The following CSNK1G1 variants were observed in gnomAD, a reference collection of about 807,000 sequenced individuals.
CSNK1G1 encodes the protein casein kinase 1 gamma 1, also known as casein kinase I isoform gamma-1.
In CSNK1G1, 22 loss-of-function variants were observed where a neutral mutation model predicts 59.6. The ratio of observed to expected loss-of-function variants is 0.37; its 90% confidence interval spans 0.26 to 0.53. The LOEUF is 0.53. Among genes scored for constraint, CSNK1G1 ranks in the 20% least tolerant of loss-of-function variants. CSNK1G1 has a pLI of 0.89. For missense variants in CSNK1G1, 384 were observed against 519.5 expected (o/e 0.74, Z 2.54); for synonymous variants, 179 against 177.1 (o/e 1.01, Z -0.08).
chr15:64,342,254 A>C (rs1897717412), intron 1 of CSNK1G1, among the ~76,000 whole-genome samples: 1 of 152,352 alleles, frequency 6.6e-6, no homozygotes, highest in East Asian at 1.9e-4. Flanking sequence ...CTTCAGAAGT[A>C]ACCTTCCTTT....
chr15:64,342,182 G>A (rs953752117), intron 1 of CSNK1G1, among the ~76,000 whole-genome samples: 1 of 152,150 alleles, frequency 6.6e-6, no homozygotes, highest in African/African-American at 2.4e-5. Flanking sequence ...TCTTCAAGAG[G>A]CTTTAGAGGC....
intron 1 of CSNK1G1, among the ~76,000 whole-genome samples, chr15:64,334,046 T>C (rs1897252650): frequency 6.6e-6 from 1 of 152,120 alleles, no homozygotes; most frequent in African/African-American, 2.4e-5. Flanking sequence ...AAACACTGGA[T>C]TTAAACTGCA....
At chr15:64,311,199 C>A (rs1027350477) in intron 1 of CSNK1G1, among the ~76,000 whole-genome samples, 15 of 151,846 alleles carry the variant, frequency 9.9e-5, no homozygotes, top group African/African-American at 3.6e-4. Flanking sequence ...GCATGCACCA[C>A]CATGCCCAGC....
At chr15:64,309,309 AACAC>A (rs66467610) in intron 1 of CSNK1G1, among the ~76,000 whole-genome samples, 2,403 of 146,464 alleles carry the variant, frequency 0.016, 60 homozygotes, top group African/African-American at 0.055. Flanking sequence ...TAGTGAATAA[AACAC>A]ACACACACAC....
intron 2 of CSNK1G1, among the ~76,000 whole-genome samples, chr15:64,276,156 A>C (rs370784181): frequency 1.9e-4 from 29 of 152,240 alleles, no homozygotes; most frequent in East Asian, 1.5e-3. Context: ...AATAGCATCA[A>C]AGCAGGACTC....
chr15:64,233,619 C>A (rs1305542042), intron 4 of CSNK1G1, among the ~76,000 whole-genome samples: 1 of 152,186 alleles, frequency 6.6e-6, no homozygotes. Flanking sequence ...TGTCCTAAAA[C>A]TTTACGGAAA....
At chr15:64,315,797 T>C (rs1257919375) in intron 1 of CSNK1G1, 5 of 152,160 alleles carry the variant, frequency 3.3e-5, no homozygotes, top group Non-Finnish European at 7.3e-5. Flanking sequence ...TTTTAACATG[T>C]CCACAAATTT....
rs140549493 is a variant in CSNK1G1 at position 64,338,425 on chromosome 15, C to T, written c.-225+17563G>A. ...GATGGTTAAAAACACTTGAGCCCGG[C>T]GCGGTGGCTCACACCTGTAATCCCA... On this transcript the variant is annotated intron_variant, in intron 1 of 11. Coordinates refer to ENST00000303052, the MANE Select transcript of CSNK1G1 (RefSeq NM_022048.5). Among the ~76,000 whole-genome samples, 401 of 152,124 alleles carry T rather than the reference C, an allele frequency of 2.6e-3. 1 individual carries two copies. Among genetic ancestry groups the T allele is most frequent in the African/African-American group, 9.3e-3 (386 of 41,500 alleles).
At chr15:64,172,971 G>T (rs143411800) in intron 11 of CSNK1G1, among the ~76,000 whole-genome samples, 1,938 of 152,306 alleles carry the variant, frequency 0.013, 22 homozygotes, top group Middle Eastern at 0.037. Context: ...CCTTTCTGGG[G>T]AGCTGACACA....
intron 1 of CSNK1G1, among the ~76,000 whole-genome samples, chr15:64,320,924 C>T (rs905742723): frequency 9.9e-5 from 15 of 151,870 alleles, no homozygotes; most frequent in African/African-American, 3.4e-4. Flanking sequence ...ATCTACATTG[C>T]CAAAAACAAG....
intron 11 of CSNK1G1, among the ~76,000 whole-genome samples, chr15:64,179,655 G>C (rs1023990505): frequency 2.0e-5 from 3 of 152,174 alleles, no homozygotes; most frequent in Non-Finnish European, 4.4e-5. Flanking sequence ...TTTTGCAGCA[G>C]AATTGGCAGT....
intron 4 of CSNK1G1, among the ~76,000 whole-genome samples, chr15:64,239,838 T>C (rs2082670856): frequency 6.6e-6 from 1 of 152,138 alleles, no homozygotes; most frequent in African/African-American, 2.4e-5. Flanking sequence ...AAGAATTCAA[T>C]GAATTAAATA....
At chr15:64,253,148 C>A (rs1340186117) in intron 3 of CSNK1G1, among the ~76,000 whole-genome samples, 1 of 152,138 alleles carries the variant, frequency 6.6e-6, no homozygotes. Flanking sequence ...GGTTCGAGAC[C>A]AGCCTGGGCA....
chr15:64,300,228 G>A, intron 2 of CSNK1G1, 91 bp downstream of exon 2: 1 of 1,291,798 alleles, frequency 7.7e-7, no homozygotes, highest in Non-Finnish European at 1.1e-6. Context: ...AAAATTTCTT[G>A]TAAAACTATA....
At chr15:64,316,947 A>C (rs1244158402) in intron 1 of CSNK1G1, 1 of 152,054 alleles carries the variant, frequency 6.6e-6, no homozygotes, top group African/African-American at 2.4e-5. Flanking sequence ...TCACTTGGAG[A>C]GCTTGGTTTT....
chr15:64,284,450 G>A (rs531894713), intron 2 of CSNK1G1, among the ~76,000 whole-genome samples: 3 of 152,232 alleles, frequency 2.0e-5, no homozygotes, highest in East Asian at 1.9e-4. Flanking sequence ...ATCCATGAAT[G>A]TGGAATGTCT....
chr15:64,261,161 A>T (rs1044979672), intron 2 of CSNK1G1, among the ~76,000 whole-genome samples: 12 of 152,230 alleles, frequency 7.9e-5, no homozygotes, highest in Non-Finnish European at 1.6e-4. Flanking sequence ...AGAGGAACAG[A>T]TGAGGCAGTA....
chr15:64,333,131 C>G (rs989285048), intron 1 of CSNK1G1, among the ~76,000 whole-genome samples: 2 of 151,500 alleles, frequency 1.3e-5, no homozygotes, highest in South Asian at 4.2e-4. Context: ...GTGGCGGGCA[C>G]CTGTAATGCC....
chr15:64,218,516 C>G (rs1206758665), intron 4 of CSNK1G1, among the ~76,000 whole-genome samples: 1 of 151,932 alleles, frequency 6.6e-6, no homozygotes, highest in Admixed American at 6.6e-5. Context: ...CCTCAGCCTC[C>G]CAAGTAGCTG....
Sources: allele counts gnomAD v4.1 joint callset (sites outside exome capture counted in the v4.1 genomes callset), GRCh38; gene constraint gnomAD v4.1.1; transcripts MANE v1.5; gene names NCBI Gene and HGNC (gene_info 2026-07-23, HGNC 2026-07-21).